CACNA1B: variants seen among roughly 807,000 people sequenced by gnomAD.
CACNA1B encodes the protein voltage-dependent N-type calcium channel subunit alpha-1B.
In CACNA1B, 70 loss-of-function variants were observed where a neutral mutation model predicts 247.2. The ratio of observed to expected loss-of-function variants is 0.28; its 90% confidence interval spans 0.23 to 0.35. The LOEUF is 0.35. Ranked by LOEUF, CACNA1B falls within the 10% of genes least tolerant of loss-of-function variation. The pLI, the probability that CACNA1B is intolerant of heterozygous loss-of-function variation, is 1.00. For synonymous variants in CACNA1B, 1,231 were observed against 1,294.4 expected (o/e 0.95, Z 1.05); for missense variants, 2,367 against 3,197.4 (o/e 0.74, Z 6.26).
intron 15 of CACNA1B, among the ~76,000 whole-genome samples, chr9:138,002,348 C>G (rs1395641677): frequency 2.0e-5 from 3 of 151,976 alleles, no homozygotes; most frequent in Admixed American, 2.0e-4. Context: ...CATGCATGCA[C>G]AAAACTTCAG....
intron 26 of CACNA1B, among the ~76,000 whole-genome samples, chr9:138,055,005 T>G (rs1193885324): frequency 6.6e-6 from 1 of 152,222 alleles, no homozygotes; most frequent in Non-Finnish European, 1.5e-5. Flanking sequence ...CTAGGAATCA[T>G]GTAATGTTCT....
At position 137,954,466 on chromosome 9, in the gene CACNA1B, C is replaced by A. The variant is rs112749789; in HGVS notation, c.1071-1232C>A. Among the ~76,000 whole-genome samples the A allele has an allele frequency of 7.8e-3, 1,188 of 152,306 alleles. 6 individuals carry two copies. Among genetic ancestry groups the A allele is most frequent in the South Asian group, 0.012 (60 of 4,828 alleles). On this transcript the variant is annotated intron_variant, in intron 7 of 46. Coordinates refer to ENST00000371372, the MANE Select transcript of CACNA1B (RefSeq NM_000718.4). The surrounding 1 kb of genome is among the most constrained non-coding windows in gnomAD (Gnocchi z 4.1). ...GGGCTGGCCCTGCTGCCGGCCACTG[C>A]GTGAGAAGCAGCTGCTCTGTGGAGG...
rs201506735 is a variant in CACNA1B at position 138,122,389 on chromosome 9, C to T, written c.*390C>T. 8 of 217,552 alleles carry T rather than the reference C, an allele frequency of 3.7e-5. No individual in the cohort carries two copies. In the South Asian group the frequency reaches 5.4e-4, roughly 15 times the overall value. 13.5% of individuals were successfully genotyped at this position (217,552 alleles called of 1,614,324 possible). ...GGGGAGCACCCTTCACGTGGCCGTG[C>T]GGCACAGAGAAGCAGGGCCCACCTG... On this transcript the variant is annotated 3_prime_UTR_variant, in exon 47 of 47. Coordinates refer to ENST00000371372, the MANE Select transcript of CACNA1B (RefSeq NM_000718.4).
At position 137,967,339 on chromosome 9, in the gene CACNA1B, C is replaced by T. The variant is rs80136992; in HGVS notation, c.1334-4044C>T. Among the ~76,000 whole-genome samples, 1,098 of 152,286 alleles carry T rather than the reference C, an allele frequency of 7.2e-3. 42 individuals carry two copies. In the East Asian group the frequency reaches 0.12, roughly 16 times the overall value. On this transcript the variant is annotated intron_variant, in intron 10 of 46. Transcript: ENST00000371372. ...GCCTTTCCAGTACTTGCCCTGCCTC[C>T]GCATCCTGGTTTGAGGGTGTTCACT...
At chr9:138,068,489 T>A in intron 31 of CACNA1B, 1 of 455,546 alleles carries the variant, frequency 2.2e-6, no homozygotes, top group Admixed American at 2.3e-5. Flanking sequence ...AGCACTGGTG[T>A]TGTGTTTCCC....
In CACNA1B at chr9:137,954,525, G is replaced by C. The variant is rs912985867; in HGVS notation, c.1071-1173G>C. ...CTGCTGGGGGGAGTTGCTGCTGGGA[G>C]CTCTCAGATCAGTTCAAGCAGTGAT... On this transcript the variant is annotated intron_variant, in intron 7 of 46. Coordinates refer to ENST00000371372, the MANE Select transcript of CACNA1B (RefSeq NM_000718.4). This position sits in a 1 kb window ranked among gnomAD's most constrained non-coding sequence, Gnocchi z 4.1. 5.3e-5 allele frequency among the ~76,000 whole-genome samples: 8 copies of C among 152,182 alleles called. 1 individual carries two copies. Among genetic ancestry groups the C allele is most frequent in the African/African-American group, 1.7e-4 (7 of 41,444 alleles).
At chr9:137,960,368 G>T (rs1437677495) in intron 10 of CACNA1B, among the ~76,000 whole-genome samples, 4 of 146,236 alleles carry the variant, frequency 2.7e-5, no homozygotes, top group African/African-American at 5.1e-5. Context: ...TGAGGGACGC[G>T]GCGGTGGGGT....
intron 2 of CACNA1B, among the ~76,000 whole-genome samples, chr9:137,879,413 C>T (rs1183567711): frequency 6.6e-6 from 1 of 152,256 alleles, no homozygotes; most frequent in Non-Finnish European, 1.5e-5. Context: ...TACTCCTGCA[C>T]CTCAATGGCT....
At chr9:137,982,119 T>G (rs141226156) in intron 12 of CACNA1B, among the ~76,000 whole-genome samples, 1 of 152,356 alleles carries the variant, frequency 6.6e-6, no homozygotes, top group East Asian at 1.9e-4. Context: ...GAAAAATGTT[T>G]ATTATTTCAC....
At chr9:138,001,668 C>A (rs1958579407) in intron 15 of CACNA1B, among the ~76,000 whole-genome samples, 1 of 151,690 alleles carries the variant, frequency 6.6e-6, no homozygotes. Context: ...TATAGAAAAT[C>A]CTAGATAATA....
At chr9:137,901,351 G>A (rs776711180) in intron 3 of CACNA1B, among the ~76,000 whole-genome samples, 4 of 151,704 alleles carry the variant, frequency 2.6e-5, no homozygotes, top group Non-Finnish European at 5.9e-5. Context: ...CTGTGTCCGT[G>A]TGTCTGTGTC....
At chr9:138,015,438 C>T (rs1003265915) in intron 18 of CACNA1B, among the ~76,000 whole-genome samples, 3 of 146,822 alleles carry the variant, frequency 2.0e-5, no homozygotes, top group Non-Finnish European at 4.4e-5. Context: ...TGAAAGCTGT[C>T]TGTCATCTGT....
At chr9:138,070,955 G>T (rs763218826) in intron 32 of CACNA1B, among the ~76,000 whole-genome samples, 1 of 152,258 alleles carries the variant, frequency 6.6e-6, no homozygotes, top group Non-Finnish European at 1.5e-5. Flanking sequence ...CCCACAGATC[G>T]GGGTGGGGTG....
intron 3 of CACNA1B, among the ~76,000 whole-genome samples, chr9:137,912,396 A>G (rs1176640177): frequency 6.6e-6 from 1 of 152,244 alleles, no homozygotes; most frequent in Non-Finnish European, 1.5e-5. Flanking sequence ...CTTGACCGTT[A>G]GAATTGGCAA....
intron 40 of CACNA1B, 69 bp downstream of exon 40, chr9:138,112,574 TGTGGAG>T (rs1301861139): frequency 9.3e-7 from 1 of 1,080,884 alleles, no homozygotes; most frequent in African/African-American, 1.5e-5. Context: ...GCTGGAGGGC[TGTGGAG>T]GTGAGGGTGA....
Position 137,880,608 on chromosome 9 carries a change from A to C in CACNA1B, c.390+1449A>C, listed in dbSNP as rs1166356985. Among the ~76,000 whole-genome samples the C allele has an allele frequency of 6.6e-6, 1 of 152,088 alleles. No homozygotes were observed. Among genetic ancestry groups the C allele is most frequent in the Non-Finnish European group, 1.5e-5 (1 of 67,988 alleles). ...CTGCCTCGCAGGTGTGGGAGGGTTT[A>C]CTTTGTGGTCATAGGTTGGGGAGGA... On this transcript the variant is annotated intron_variant, in intron 2 of 46. Transcript: ENST00000371372. This position sits in a 1 kb window ranked among gnomAD's most constrained non-coding sequence, Gnocchi z 4.8.
At chr9:138,096,703 G>C in intron 37 of CACNA1B, 92 bp downstream of exon 37, 1 of 1,324,088 alleles carries the variant, frequency 7.6e-7, no homozygotes, top group Non-Finnish European at 1.0e-6. Flanking sequence ...TGTTTCAAGT[G>C]AGCACCCCCT....
intron 42 of CACNA1B, among the ~76,000 whole-genome samples, chr9:138,116,166 C>T (rs1564295110): frequency 6.6e-6 from 1 of 152,216 alleles, no homozygotes; most frequent in African/African-American, 2.4e-5. Context: ...GATTCCACCT[C>T]CATCTCCCAC....
At chr9:138,036,162 C>T (rs956270070) in intron 20 of CACNA1B, among the ~76,000 whole-genome samples, 13 of 151,302 alleles carry the variant, frequency 8.6e-5, no homozygotes, top group African/African-American at 2.7e-4. Context: ...GTTTTTGAGA[C>T]GGAGTCTCGC....
Sources: gnomAD v4.1 joint callset for allele counts (sites outside exome capture counted in the v4.1 genomes callset) on GRCh38, gnomAD v4.1.1 for gene constraint, Gnocchi (gnomAD v3.1) non-coding constraint, MANE v1.5 for transcripts, NCBI Gene and HGNC (gene_info 2026-07-23, HGNC 2026-07-21) for gene names.